LRRTM4: variants seen among roughly 807,000 people sequenced by gnomAD.
The protein encoded by LRRTM4 is leucine rich repeat transmembrane neuronal 4, also known as leucine-rich repeat transmembrane neuronal protein 4.
In LRRTM4, 25 loss-of-function variants were observed where a neutral mutation model predicts 47.6. The observed-to-expected ratio is 0.53, with a 90% confidence interval of 0.38 to 0.73. The LOEUF (loss-of-function observed/expected upper bound fraction) is 0.73, where lower values mean the gene tolerates loss of function less well. Ranked by LOEUF, LRRTM4 falls within the 30% of genes least tolerant of loss-of-function variation. The pLI is 0.00. For missense variants in LRRTM4, 638 were observed against 713.4 expected, an observed-to-expected ratio of 0.89 and a Z score of 1.20; for synonymous variants, 311 against 269.5, an observed-to-expected ratio of 1.15 and a Z score of -1.51.
At chr2:76,945,321 T>C (rs1428849106) in intron 3 of LRRTM4, among the ~76,000 whole-genome samples, 5 of 152,028 alleles carry the variant, frequency 3.3e-5, no homozygotes, top group Non-Finnish European at 7.4e-5. Flanking sequence ...CAATGTATAT[T>C]TATCGGTCTC....
intron 3 of LRRTM4, among the ~76,000 whole-genome samples, chr2:76,760,673 G>A (rs1354298907): frequency 2.6e-5 from 4 of 152,058 alleles, no homozygotes; most frequent in South Asian, 2.1e-4. Flanking sequence ...AATGGAACAC[G>A]CTTGATCACT....
At chr2:77,015,608 G>A (rs1203897853) in intron 3 of LRRTM4, among the ~76,000 whole-genome samples, 1 of 152,066 alleles carries the variant, frequency 6.6e-6, no homozygotes, top group Non-Finnish European at 1.5e-5. Context: ...ACAGGTGTGA[G>A]CCACCATGCC....
intron 3 of LRRTM4, among the ~76,000 whole-genome samples, chr2:77,220,896 C>G (rs749222082): frequency 6.6e-6 from 1 of 152,062 alleles, no homozygotes; most frequent in Non-Finnish European, 1.5e-5. Flanking sequence ...TCCAAAACAC[C>G]TAATTGTCAG....
At chr2:76,852,737 G>A (rs1672034845) in intron 3 of LRRTM4, among the ~76,000 whole-genome samples, 1 of 152,044 alleles carries the variant, frequency 6.6e-6, no homozygotes, top group African/African-American at 2.4e-5. Flanking sequence ...TCAAAGTGTG[G>A]AGTGAGATAT....
intron 3 of LRRTM4, among the ~76,000 whole-genome samples, chr2:77,340,481 C>T (rs1183549265): frequency 6.6e-6 from 1 of 151,866 alleles, no homozygotes. Context: ...ATTAGATATC[C>T]ACATTTGGAA....
At chr2:76,948,191 T>A (rs1207961832) in intron 3 of LRRTM4, among the ~76,000 whole-genome samples, 1 of 151,870 alleles carries the variant, frequency 6.6e-6, no homozygotes, top group Non-Finnish European at 1.5e-5. Context: ...CTGTCTTTTG[T>A]TTCTTTCTCC....
Position 77,056,000 on chromosome 2 carries a change from C to A in LRRTM4, c.1552-307084G>T, listed in dbSNP as rs543120444. Among the ~76,000 whole-genome samples, 51 of 133,778 alleles carry A rather than the reference C, an allele frequency of 3.8e-4. No homozygotes were observed. The South Asian group carries it at 0.012, about 31-fold the overall frequency. The allele number at this position is 133,778 out of a possible 152,430, so 87.8% of individuals were successfully genotyped here. ...GTGGGAATTGAACAATGAGAACACA[C>A]GGACACAGGAAGGGGAACATCACAC... On this transcript the variant is annotated intron_variant, in intron 3 of 3. Transcript: ENST00000409884.
At chr2:77,223,024 T>A (rs1573100568) in intron 3 of LRRTM4, among the ~76,000 whole-genome samples, 1 of 152,230 alleles carries the variant, frequency 6.6e-6, no homozygotes, top group East Asian at 1.9e-4. Flanking sequence ...CAAGTGGGCT[T>A]CATCTCTGGG....
intron 3 of LRRTM4, among the ~76,000 whole-genome samples, chr2:77,189,567 G>C (rs1373155828): frequency 6.6e-6 from 1 of 152,082 alleles, no homozygotes; most frequent in African/African-American, 2.4e-5. Flanking sequence ...TGTCAGATGA[G>C]GATTTGAGGA....
At chr2:76,980,880 T>C (rs1676586708) in intron 3 of LRRTM4, among the ~76,000 whole-genome samples, 1 of 152,076 alleles carries the variant, frequency 6.6e-6, no homozygotes, top group African/African-American at 2.4e-5. Flanking sequence ...AATAGATCTT[T>C]AAAAAGTTAA....
chr2:77,076,980 A>C (rs1680358375), intron 3 of LRRTM4, among the ~76,000 whole-genome samples: 2 of 152,126 alleles, frequency 1.3e-5, no homozygotes, highest in South Asian at 4.1e-4. Flanking sequence ...ACAACAATAA[A>C]AATGCAGCAA....
chr2:77,393,402 T>C, intron 3 of LRRTM4, among the ~76,000 whole-genome samples: 1 of 151,940 alleles, frequency 6.6e-6, no homozygotes, highest in African/African-American at 2.4e-5. Context: ...AAAAGGTACA[T>C]AATTCAGATT....
At chr2:77,010,282 T>G (rs890294131) in intron 3 of LRRTM4, among the ~76,000 whole-genome samples, 2 of 151,996 alleles carry the variant, frequency 1.3e-5, no homozygotes, top group Non-Finnish European at 2.9e-5. Flanking sequence ...ATTAATATCC[T>G]CCCATTCCTT....
chr2:77,140,783 AAAAC>A (rs1334417816), intron 3 of LRRTM4, among the ~76,000 whole-genome samples: 1 of 151,706 alleles, frequency 6.6e-6, no homozygotes, highest in African/African-American at 2.4e-5. Context: ...TTACAAGAAA[AAAAC>A]AACCCCATCA....
At chr2:77,089,904 A>T (rs1680873851) in intron 3 of LRRTM4, among the ~76,000 whole-genome samples, 3 of 152,070 alleles carry the variant, frequency 2.0e-5, no homozygotes, top group South Asian at 2.1e-4. Flanking sequence ...TTTACACATC[A>T]GTCCCTTCCT....
At chr2:77,448,018 G>T (rs1350257433) in intron 3 of LRRTM4, among the ~76,000 whole-genome samples, 1 of 152,130 alleles carries the variant, frequency 6.6e-6, no homozygotes, top group Admixed American at 6.6e-5. Context: ...GATTAGATGA[G>T]TGAACCATGG....
chr2:77,321,692 A>G (rs1466160658), intron 3 of LRRTM4, among the ~76,000 whole-genome samples: 1 of 152,114 alleles, frequency 6.6e-6, no homozygotes, highest in Non-Finnish European at 1.5e-5. Flanking sequence ...AACCATGCCA[A>G]ATTTGATGTG....
chr2:77,252,363 C>T (rs1194291134), intron 3 of LRRTM4, among the ~76,000 whole-genome samples: 2 of 152,038 alleles, frequency 1.3e-5, no homozygotes, highest in Non-Finnish European at 2.9e-5. Context: ...TTTAGTTTGT[C>T]TTTTTTCTAA....
intron 3 of LRRTM4, among the ~76,000 whole-genome samples, chr2:77,128,563 CA>C (rs1288205639): frequency 3.9e-5 from 6 of 152,262 alleles, no homozygotes; most frequent in African/African-American, 1.4e-4. Context: ...TAAAACTATA[CA>C]AAATCTTTCC....
Sources: gnomAD v4.1 joint callset for allele counts (sites outside exome capture counted in the v4.1 genomes callset) on GRCh38, gnomAD v4.1.1 for gene constraint, MANE v1.5 for transcripts, NCBI Gene and HGNC (gene_info 2026-07-23, HGNC 2026-07-21) for gene names.